The following LIG4 variants were observed in gnomAD, a reference collection of about 807,000 sequenced individuals.
LIG4 encodes the protein DNA joinase.
Under a neutral mutation model 19.0 loss-of-function variants are expected in LIG4, and 13 were observed. That is an observed-to-expected ratio of 0.68 (90% confidence interval 0.44 to 1.09). The LOEUF (loss-of-function observed/expected upper bound fraction) is 1.09. Among genes scored for constraint, LIG4 ranks in the 50% least tolerant of loss-of-function variants. The pLI, the probability that LIG4 is intolerant of heterozygous loss-of-function variation, is 0.00. For missense variants in LIG4, 1,026 were observed against 1,089.7 expected, an observed-to-expected ratio of 0.94 and a Z score of 0.82; for synonymous variants, 361 against 358.2, an observed-to-expected ratio of 1.01 and a Z score of -0.09.
chr13:108,217,458 TGCG>T (rs1879365158), upstream of LIG4, among the ~76,000 whole-genome samples: 2 of 149,286 alleles, frequency 1.3e-5, no homozygotes, highest in African/African-American at 5.0e-5. Flanking sequence ...GGCGGGAGGT[TGCG>T]GTGAGCCGAG....
chr13:108,213,680 G>C (rs982640650), intron 2 of LIG4, among the ~76,000 whole-genome samples: 2 of 152,210 alleles, frequency 1.3e-5, no homozygotes, highest in Non-Finnish European at 2.9e-5. Context: ...GAGGTTCCTG[G>C]TTAGGGCTCA....
chr13:108,210,605 C>T lies in LIG4; in HGVS notation c.664G>A (p.Glu222Lys). 6.2e-7 allele frequency: 1 copy of T among 1,613,404 alleles called. No homozygotes were observed. Among genetic ancestry groups the T allele is most frequent in the Non-Finnish European group, 8.5e-7 (1 of 1,179,924 alleles). The change falls in exon 3 of 3, where the codon GAA becomes AAA. Residue 222 changes from glutamate to lysine, a missense_variant. Coordinates refer to ENST00000442234, the MANE Select transcript of LIG4 (RefSeq NM_206937.2). ...TCATGCAGTTGCCTACAGACTTTTTCCAGATCTGTAGTGACATTATGCAAC... is the reference window on the plus strand; with the variant it reads ...TCATGCAGTTGCCTACAGACTTTTTTCAGATCTGTAGTGACATTATGCAAC... The part of the protein sequence containing the change: ...AELHNVTTDL[E>K]KVCRQLHDPS...
At chr13:108,211,803 T>C (rs1425976962) in intron 2 of LIG4, among the ~76,000 whole-genome samples, 1 of 152,162 alleles carries the variant, frequency 6.6e-6, no homozygotes, top group African/African-American at 2.4e-5. Flanking sequence ...GAACTGAAAT[T>C]TGACTTCCTA....
At position 108,208,565 on chromosome 13, in the gene LIG4, C is replaced by G; in HGVS notation, c.2704G>C (p.Glu902Gln). Residue 902 changes from glutamate (E) to glutamine (Q), a missense_variant, in exon 3 of 3, where the codon GAA becomes CAA. By Grantham distance (29) the Glu-to-Gln change is conservative (BLOSUM62 2). This residue lies in a region of LIG4 where 521 missense variants were observed against 515.5 expected (regional missense o/e 1.01). Coordinates refer to ENST00000442234, the MANE Select transcript of LIG4 (RefSeq NM_206937.2). ...AAATACTGGTTTTCTTCTTGTAATT[C>G]ACACTTGTCTATTGAATCAGTTACC... ...SWVTDSIDKCELQEENQYLI is the reference protein window; with the variant it reads ...SWVTDSIDKCQLQEENQYLI The G allele has an allele frequency of 6.2e-7, 1 of 1,612,292 alleles. No individual in the cohort carries two copies. Among genetic ancestry groups the G allele is most frequent in the Non-Finnish European group, 8.5e-7 (1 of 1,178,586 alleles).
At position 108,208,549 on chromosome 13, in the gene LIG4, T is replaced by G. The variant is rs1166626894; in HGVS notation, c.2720A>C (p.Asn907Thr). ...AACCTAGCTTTAAATCAAATACTGG[T>G]TTTCTTCTTGTAATTCACACTTGTC... ...SIDKCELQEE[N>T]QYLI The change falls in exon 3 of 3, where the codon AAC (asparagine) becomes ACC (threonine). Residue 907 changes from asparagine (N) to threonine (T), a missense_variant. Asn to Thr is a moderately conservative substitution (Grantham distance 65). Transcript: ENST00000442234. 1.2e-6 allele frequency: 2 copies of G among 1,609,804 alleles called. No individual in the cohort carries two copies. Among genetic ancestry groups the G allele is most frequent in the East Asian group, 4.5e-5 (2 of 44,842 alleles).
rs112285363 is a variant in LIG4, at chr13:108,215,393, C to T, written c.-102+91G>A. On this transcript the variant is annotated intron_variant, in intron 1 of 2. Transcript: ENST00000442234. ...ACCACACCTTCCACTTGACTCCCCC[C>T]ACACCGTCAATCTGCCACCCCCCAC... 329 of 69,760 alleles carry T rather than the reference C, an allele frequency of 4.7e-3. 16 individuals carry two copies. Among genetic ancestry groups the T allele is most frequent in the East Asian group, 0.01 (21 of 2,014 alleles). 4.3% of individuals were successfully genotyped at this position (69,760 alleles called of 1,614,324 possible).
chr13:108,208,803 C>T lies in LIG4; in HGVS notation c.2466G>A (p.Ser822=), dbSNP rs752539259. 8 of 1,614,106 alleles carry T rather than the reference C, an allele frequency of 5.0e-6. No individual in the cohort carries two copies. Among genetic ancestry groups the T allele is most frequent in the South Asian group, 1.1e-5 (1 of 91,084 alleles). The part of the protein sequence containing the change: ...MFRRHTVYLD[S]YAVINDLSTK... ...TACTCAGGTCATTAATAACAGCATA[C>T]GAGTCCAAATAAACGGTGTGGCGTC... Residue 822 remains serine, a synonymous_variant, in exon 3 of 3, where the codon TCG becomes TCA. Coordinates refer to ENST00000442234, the MANE Select transcript of LIG4 (RefSeq NM_206937.2).
rs757102440 is a variant in LIG4, at chr13:108,210,659, A to G, written c.610T>C (p.Phe204Leu). The change falls in exon 3 of 3, where the codon TTT (phenylalanine) becomes CTT (leucine). Residue 204 changes from phenylalanine (F) to leucine (L), a missense_variant. Physicochemically the swap from Phe to Leu is conservative, Grantham distance 22. Coordinates refer to ENST00000442234, the MANE Select transcript of LIG4 (RefSeq NM_206937.2). Reference protein sequence around the residue: ...LKLGVSQQTIFSVFHNDAAEL... With the variant: ...LKLGVSQQTILSVFHNDAAEL... ...GCAGCATCATTATGAAAAACAGAAAAGATAGTTTGCTGACTAACACCAAGC... is the reference window on the plus strand; with the variant it reads ...GCAGCATCATTATGAAAAACAGAAAGGATAGTTTGCTGACTAACACCAAGC... 1 of 1,613,818 alleles carries G rather than the reference A, an allele frequency of 6.2e-7. No homozygotes were observed. Among genetic ancestry groups the G allele is most frequent in the South Asian group, 1.1e-5 (1 of 91,076 alleles).
chr13:108,216,116 T>C (rs924633877), upstream of LIG4, among the ~76,000 whole-genome samples: 9 of 152,188 alleles, frequency 5.9e-5, no homozygotes, highest in Non-Finnish European at 1.2e-4. Context: ...ACTCTTCTAG[T>C]ATCTGTTTAA....
Position 108,210,516 on chromosome 13 carries a change from A to AGCTATTGGTTTAAAT in LIG4, c.752_753insATTTAAACCAATAGC (p.Ala251_Ala252insPheLysProIleAla). On this transcript the variant is annotated inframe_insertion, in exon 3 of 3. Transcript: ENST00000442234. ...CAATGTGCTCAATATCTGCAATAGC[A>AGCTATTGGTTTAAAT]GCTAGCATTGGTTTAAATGCAGAAA... 1 of 1,612,754 alleles carries AGCTATTGGTTTAAAT rather than the reference A, an allele frequency of 6.2e-7. No homozygotes were observed. Among genetic ancestry groups the AGCTATTGGTTTAAAT allele is most frequent in the Non-Finnish European group, 8.5e-7 (1 of 1,179,922 alleles).
chr13:108,218,326 G>A (rs1054203729), upstream of LIG4: 1 of 152,296 alleles, frequency 6.6e-6, no homozygotes, highest in African/African-American at 2.4e-5. Context: ...ACGCCGCCGA[G>A]GTATCTTTTC....
chr13:108,214,794 C>T (rs1320005017), intron 1 of LIG4, 184 bp from the exon 2 acceptor site: 1 of 152,174 alleles, frequency 6.6e-6, no homozygotes, highest in Non-Finnish European at 1.5e-5. Flanking sequence ...CTCGGCAACT[C>T]CCATCACCTG....
In LIG4 at chr13:108,211,249, G is replaced by T. The variant is rs1208636312; in HGVS notation, c.20C>A (p.Ser7Ter). The stretch of plus-strand genomic sequence containing the variant: ...AGGAACGTGAGATGCAACAGTTTGT[G>T]AAGTTTGTGAGGCAGCCATCAAAGC... MAASQT[S>*]QTVASHVPFA... The change falls in exon 3 of 3, where the codon TCA becomes TAA. Residue 7 changes from serine (S) to a stop codon, truncating the protein, a stop_gained. Transcript: ENST00000442234. LOFTEE classifies it high-confidence loss of function. The T allele has an allele frequency of 6.2e-7, 1 of 1,612,488 alleles. No individual in the cohort carries two copies. The highest frequency in any genetic ancestry group is 2.2e-5 in the East Asian group (1 of 44,866).
chr13:108,213,477 C>T (rs904876151), intron 2 of LIG4, among the ~76,000 whole-genome samples: 3 of 152,224 alleles, frequency 2.0e-5, no homozygotes, highest in African/African-American at 7.2e-5. Context: ...TGTGGATACA[C>T]ATGTATCCTA....
chr13:108,209,162 C>G lies in LIG4; in HGVS notation c.2107G>C (p.Gly703Arg). Residue 703 changes from glycine to arginine, a missense_variant, in exon 3 of 3, where the codon GGG (glycine) becomes CGG (arginine). Coordinates refer to ENST00000442234, the MANE Select transcript of LIG4 (RefSeq NM_206937.2). Reference sequence around the variant, plus strand: ...TTTTTCACTCTGATGTTCTCAGACCCTGCAATTACACAGTACGTGTCTGGG... The same window carrying G: ...TTTTTCACTCTGATGTTCTCAGACCGTGCAATTACACAGTACGTGTCTGGG... The part of the protein sequence containing the change: ...PGPDTYCVIA[G>R]SENIRVKNII... The G allele has an allele frequency of 6.2e-7, 1 of 1,614,140 alleles. No homozygotes were observed. The highest frequency in any genetic ancestry group is 8.5e-7 in the Non-Finnish European group (1 of 1,180,022).
upstream of LIG4, chr13:108,218,304 G>A (rs2139004623): frequency 6.6e-6 from 1 of 152,438 alleles, no homozygotes; most frequent in African/African-American, 2.4e-5. Context: ...CCTGGAGCAG[G>A]GAGCCGGGCC....
intron 2 of LIG4, among the ~76,000 whole-genome samples, chr13:108,213,729 G>T (rs1342479808): frequency 6.6e-6 from 1 of 152,108 alleles, no homozygotes; most frequent in Non-Finnish European, 1.5e-5. Flanking sequence ...AAATGTGGAT[G>T]GTAACATTTA....
intron 2 of LIG4, 26 bp downstream of exon 2, chr13:108,214,512 A>C (rs1024299344): frequency 6.6e-6 from 1 of 151,174 alleles, no homozygotes; most frequent in Non-Finnish European, 1.5e-5. Context: ...CTCTCCCCCA[A>C]CCCTTCACGG....
At position 108,208,700 on chromosome 13, in the gene LIG4, C is replaced by T. The variant is rs2232642; in HGVS notation, c.2569G>A (p.Ala857Thr). The change falls in exon 3 of 3, where the codon GCT becomes ACT. Residue 857 changes from alanine (A) to threonine (T), a missense_variant. By Grantham distance (58) the Ala-to-Thr change is moderately conservative (BLOSUM62 0). Transcript: ENST00000442234. ...FHGAKVVSCL[A>T]EGVSHVIIGE... ...ATTATTACATGAGACACTCCCTCAG[C>T]TAAACAAGAAACTACTTTTGCTCCA... 5.6e-3 allele frequency: 8,979 copies of T among 1,614,144 alleles called. 460 individuals are homozygous for T. In the African/African-American group the frequency reaches 0.11, roughly 19 times the overall value.
Sources: allele counts gnomAD v4.1 joint callset (sites outside exome capture counted in the v4.1 genomes callset), GRCh38; gene constraint gnomAD v4.1.1; regional missense constraint gnomAD v4.1.1; transcripts MANE v1.5; gene names NCBI Gene and HGNC (gene_info 2026-07-23, HGNC 2026-07-21).